ASTN2: variants seen among roughly 807,000 people sequenced by gnomAD.
ASTN2 encodes astrotactin-2.
Under a neutral mutation model 139.8 loss-of-function variants are expected in ASTN2, and 54 were observed. That is an observed-to-expected ratio of 0.39 (90% CI 0.31 to 0.48). The LOEUF (loss-of-function observed/expected upper bound fraction) is 0.48. Among genes scored for constraint, ASTN2 ranks in the 20% least tolerant of loss-of-function variants. The pLI, the probability that ASTN2 is intolerant of heterozygous loss-of-function variation, is 0.95. For missense variants in ASTN2, 1,565 were observed against 1,725.1 expected (o/e 0.91, Z 1.64); for synonymous variants, 756 against 719.5 (o/e 1.05, Z -0.81).
At chr9:117,257,157 A>G (rs557428174) in intron 2 of ASTN2, among the ~76,000 whole-genome samples, 4 of 152,290 alleles carry the variant, frequency 2.6e-5, no homozygotes, top group African/African-American at 9.6e-5. Context: ...ATTTTGTTCT[A>G]TTCTATTTCC....
intron 10 of ASTN2, among the ~76,000 whole-genome samples, chr9:116,899,626 T>C (rs1833959776): frequency 2.0e-5 from 3 of 152,174 alleles, no homozygotes; most frequent in African/African-American, 7.2e-5. Flanking sequence ...TATGGTAACC[T>C]CAGGAGGAAT....
chr9:116,796,921 C>T (rs1363735674), intron 13 of ASTN2, among the ~76,000 whole-genome samples: 1 of 152,086 alleles, frequency 6.6e-6, no homozygotes, highest in Non-Finnish European at 1.5e-5. Flanking sequence ...TAGTGATCCT[C>T]CCACCTCAGC....
chr9:117,177,133 T>G (rs572453683), intron 3 of ASTN2, among the ~76,000 whole-genome samples: 1 of 152,276 alleles, frequency 6.6e-6, no homozygotes, highest in African/African-American at 2.4e-5. Flanking sequence ...TCATAACCTG[T>G]GTGAGTTATT....
intron 3 of ASTN2, among the ~76,000 whole-genome samples, chr9:117,154,595 A>T (rs1385600917): frequency 6.6e-6 from 1 of 152,076 alleles, no homozygotes; most frequent in Non-Finnish European, 1.5e-5. Flanking sequence ...CAATATTATC[A>T]CTTCATTTTT....
intron 19 of ASTN2, among the ~76,000 whole-genome samples, chr9:116,548,731 C>T (rs1285037389): frequency 6.6e-6 from 1 of 152,132 alleles, no homozygotes; most frequent in African/African-American, 2.4e-5. Context: ...GCCTCAGCCT[C>T]CCAAAGTGCT....
At chr9:116,918,263 A>G (rs1834508595) in intron 10 of ASTN2, among the ~76,000 whole-genome samples, 4 of 152,130 alleles carry the variant, frequency 2.6e-5, no homozygotes, top group Admixed American at 2.6e-4. Context: ...GAGCTAGCAG[A>G]GTAGAGGGAG....
At position 117,214,539 on chromosome 9, in the gene ASTN2, G is replaced by A. The variant is rs1832246912; in HGVS notation, c.834C>T (p.Ser278=). The change falls in exon 3 of 23, where the codon TCC becomes TCT. Residue 278 remains serine, a synonymous_variant. Coordinates refer to ENST00000313400, the MANE Select transcript of ASTN2 (RefSeq NM_001365068.1). ...FRSSRLQTHN[S]VIGVPIRETP... ...TCTCCCGGATGGGCACGCCAATGAC[G>A]GAATTGTGGGTTTGCAGCCGGGATG... The A allele has an allele frequency of 1.9e-6, 3 of 1,613,468 alleles. No individual in the cohort carries two copies. Among genetic ancestry groups the A allele is most frequent in the Non-Finnish European group, 1.7e-6 (2 of 1,179,414 alleles).
At chr9:117,115,914 A>G (rs1038867415) in intron 4 of ASTN2, among the ~76,000 whole-genome samples, 2 of 151,768 alleles carry the variant, frequency 1.3e-5, no homozygotes, top group Admixed American at 6.6e-5. Context: ...AGTCCCAGCT[A>G]CTCGGCAGGC....
intron 2 of ASTN2, among the ~76,000 whole-genome samples, chr9:117,218,120 G>A (rs982017904): frequency 2.0e-5 from 3 of 152,228 alleles, no homozygotes; most frequent in African/African-American, 4.8e-5. Flanking sequence ...GCCTTATCAA[G>A]TTACCTACAC....
chr9:117,040,020 A>G (rs1333366336), intron 5 of ASTN2, 55 bp from the exon 6 acceptor site: 11 of 1,514,546 alleles, frequency 7.3e-6, no homozygotes, highest in Non-Finnish European at 8.0e-6. Flanking sequence ...AGGAAATGGG[A>G]TTGGCATCAA....
Position 117,372,045 on chromosome 9 carries a change from G to A in ASTN2, c.442+42452C>T, listed in dbSNP as rs147791888. 2.9e-3 allele frequency among the ~76,000 whole-genome samples: 448 copies of A among 152,248 alleles called. 3 individuals carry two copies. The highest frequency in any genetic ancestry group is 0.01 in the African/African-American group (420 of 41,558). ...GACTGGTCCTAACTGAGTAGGGTTT[G>A]CAGGGAATCTTTAACACTACTTGGC... On this transcript the variant is annotated intron_variant, in intron 1 of 22. Transcript: ENST00000313400.
chr9:117,184,886 G>A (rs536088485), intron 3 of ASTN2, among the ~76,000 whole-genome samples: 1 of 152,172 alleles, frequency 6.6e-6, no homozygotes, highest in Non-Finnish European at 1.5e-5. Context: ...TACTATTTGT[G>A]TCAGGTGGCC....
At chr9:116,494,406 AG>A (rs2119113103) in intron 19 of ASTN2, among the ~76,000 whole-genome samples, 1 of 152,292 alleles carries the variant, frequency 6.6e-6, no homozygotes, top group South Asian at 2.1e-4. Flanking sequence ...CTGCTCCCTC[AG>A]GTCTGAATAA....
intron 4 of ASTN2, among the ~76,000 whole-genome samples, chr9:117,109,494 T>G (rs1829196627): frequency 6.6e-6 from 1 of 152,150 alleles, no homozygotes; most frequent in South Asian, 2.1e-4. Flanking sequence ...TGGAAGTAAT[T>G]TGATTGGGTC....
At chr9:117,258,426 T>C (rs931626299) in intron 2 of ASTN2, among the ~76,000 whole-genome samples, 1 of 152,182 alleles carries the variant, frequency 6.6e-6, no homozygotes, top group Non-Finnish European at 1.5e-5. Flanking sequence ...TGTTCCCTTT[T>C]CCTGTTCATT....
rs566322939 is a variant in ASTN2, at chr9:117,145,749, T to TA, written c.1016-4272dup. 1.2e-4 allele frequency among the ~76,000 whole-genome samples: 19 copies of TA among 152,312 alleles called. No homozygotes were observed. The South Asian group carries it at 2.7e-3, about 22-fold the overall frequency. On this transcript the variant is annotated intron_variant, in intron 3 of 22. Coordinates refer to ENST00000313400, the MANE Select transcript of ASTN2 (RefSeq NM_001365068.1). ...AATAGCCACTTCATTGAATTCTTTT[T>TA]AAAAAAATCCCATTTGAAGATGTGT... is the stretch of plus-strand genomic sequence containing the variant.
chr9:116,847,006 TCAAAAAAAAAAAAAAAAAAA>T lies in ASTN2; in HGVS notation c.2040+16557_2040+16576del. The stretch of plus-strand genomic sequence containing the variant: ...GAATTATAAAGCCTTAGCTTCATTC[TCAAAAAAAAAAAAAAAAAAA>T]CAAAAAACAAAAAACAAAAAACAAA... On this transcript the variant is annotated intron_variant, in intron 11 of 22. Transcript: ENST00000313400. Among the ~76,000 whole-genome samples the T allele has an allele frequency of 1.1e-4, 3 of 26,848 alleles. No individual in the cohort carries two copies. The East Asian group carries it at 5.8e-3, about 52-fold the overall frequency. The allele number at this position is 26,848 out of a possible 152,430, so 17.6% of individuals were successfully genotyped here. A position where few individuals can be genotyped will look rare whatever the true frequency, so the allele number is the denominator to read the frequency against.
At chr9:117,264,425 G>A (rs557943335) in intron 2 of ASTN2, among the ~76,000 whole-genome samples, 24 of 152,144 alleles carry the variant, frequency 1.6e-4, no homozygotes, top group Non-Finnish European at 2.9e-4. Flanking sequence ...TAGCTTCCTC[G>A]TGATAAATTA....
chr9:117,276,926 T>A (rs1834205025), intron 2 of ASTN2: 1 of 152,192 alleles, frequency 6.6e-6, no homozygotes, highest in Admixed American at 6.5e-5. Flanking sequence ...ATAATAATTT[T>A]AAAAATTAGC....
Sources: allele counts gnomAD v4.1 joint callset (sites outside exome capture counted in the v4.1 genomes callset), GRCh38; gene constraint gnomAD v4.1.1; transcripts MANE v1.5; gene names NCBI Gene and HGNC (gene_info 2026-07-23, HGNC 2026-07-21).